CENPE: variants seen among roughly 807,000 people sequenced by gnomAD.
CENPE encodes the protein centromere-associated protein E.
CENPE carries 145 observed loss-of-function variants against 336.1 expected under a neutral mutation model. The ratio of observed to expected loss-of-function variants is 0.43; its 90% CI spans 0.38 to 0.50. CENPE has a LOEUF of 0.50. CENPE is among the 20% of genes least tolerant of loss of function. The pLI is 0.00. For synonymous variants in CENPE, 1,013 were observed against 984.8 expected, an observed-to-expected ratio of 1.03 and a Z score of -0.54; for missense variants, 2,719 against 3,023.3, an observed-to-expected ratio of 0.90 and a Z score of 2.36.
At position 103,192,973 on chromosome 4, in the gene CENPE, C is replaced by T. The variant is rs928850393; in HGVS notation, c.693+1256G>A. ...GGGAAAAAGAAGCCAGGGTAGAAAA[C>T]AGAGGAGTACAGCTAAGAGAAACTG... On this transcript the variant is annotated intron_variant, in intron 8 of 48. Transcript: ENST00000265148. Among the ~76,000 whole-genome samples, 2 of 150,186 alleles carry T rather than the reference C, an allele frequency of 1.3e-5. 1 individual carries two copies. Among genetic ancestry groups the T allele is most frequent in the Admixed American group, 1.3e-4 (2 of 15,092 alleles).
intron 46 of CENPE, among the ~76,000 whole-genome samples, chr4:103,113,537 A>T (rs1281029094): frequency 7.1e-6 from 1 of 140,490 alleles, no homozygotes; most frequent in Non-Finnish European, 1.5e-5. Context: ...TATAATATAT[A>T]ACTTATATAT....
chr4:103,178,720 T>C (rs949338872), intron 13 of CENPE, among the ~76,000 whole-genome samples: 2 of 152,222 alleles, frequency 1.3e-5, no homozygotes, highest in South Asian at 2.1e-4. Context: ...TGCTGACCAC[T>C]ACCTCCCTGA....
intron 14 of CENPE, 137 bp from the exon 15 acceptor site, chr4:103,176,185 T>C (rs1297995133): frequency 1.9e-6 from 1 of 515,504 alleles, no homozygotes; most frequent in East Asian, 3.2e-5. Context: ...AGAGTATGAA[T>C]ACCAAAAGTA....
Position 103,147,392 on chromosome 4 carries a change from G to T in CENPE, c.4098C>A (p.Asp1366Glu). 1 of 1,610,786 alleles carries T rather than the reference G, an allele frequency of 6.2e-7. No individual in the cohort carries two copies. Among genetic ancestry groups the T allele is most frequent in the East Asian group, 2.2e-5 (1 of 44,852 alleles). Residue 1366 changes from aspartate (D) to glutamate (E), a missense_variant, in exon 29 of 49, where the codon GAC becomes GAA. By Grantham distance (45) the Asp-to-Glu change is conservative. Around this residue, in one of 5 missense-constraint regions of CENPE, gnomAD observed 2,437 missense variants for 2,513.3 expected, o/e 0.97. Transcript: ENST00000265148. ...TIKEALEVKH[D>E]QLKEHIRETL... The stretch of plus-strand genomic sequence containing the variant: ...TTTCTCTAATATGTTCTTTCAGCTG[G>T]TCATGTTTAACTTCAAGGGCTTCTT...
chr4:103,130,235 G>C (rs1751466140), intron 42 of CENPE, among the ~76,000 whole-genome samples: 1 of 152,114 alleles, frequency 6.6e-6, no homozygotes, highest in Admixed American at 6.6e-5. Context: ...AACTCTCTTT[G>C]TTTACACATG....
intron 31 of CENPE, 27 bp downstream of exon 31, chr4:103,145,496 C>T: frequency 6.3e-7 from 1 of 1,577,946 alleles, no homozygotes; most frequent in Non-Finnish European, 8.6e-7. Flanking sequence ...CCCATTTCCT[C>T]CCACTGTTTC....
In CENPE at chr4:103,114,505, C is replaced by G. The variant is rs759293187; in HGVS notation, c.7490G>C (p.Arg2497Thr). 8.1e-6 allele frequency: 13 copies of G among 1,611,854 alleles called. No individual in the cohort carries two copies. The South Asian group carries it at 1.1e-4, about 14-fold the overall frequency. The change falls in exon 46 of 49, where the codon AGG becomes ACG. Residue 2497 changes from arginine (R) to threonine (T), a missense_variant. Arg to Thr is a moderately conservative substitution (Grantham distance 71). Transcript: ENST00000265148. Reference sequence around the variant, plus strand: ...TCTTCTGAGATTTTCTCTCAATAGCCTTATAACTTCCTTTTGATATTCTAC... The same window carrying G: ...TCTTCTGAGATTTTCTCTCAATAGCGTTATAACTTCCTTTTGATATTCTAC... ...ATVEYQKEVI[R>T]LLRENLRRSQ...
chr4:103,111,372 G>GT (rs1361024764), intron 46 of CENPE, among the ~76,000 whole-genome samples: 2 of 152,086 alleles, frequency 1.3e-5, no homozygotes, highest in Non-Finnish European at 2.9e-5. Context: ...AACACACTGC[G>GT]TGTGTGGCGG....
intron 8 of CENPE, among the ~76,000 whole-genome samples, chr4:103,193,674 TA>T (rs749623970): frequency 1.8e-4 from 28 of 152,114 alleles, no homozygotes; most frequent in Non-Finnish European, 2.9e-4. Flanking sequence ...ATATTAGACA[TA>T]AAATAGGTAT....
intron 42 of CENPE, among the ~76,000 whole-genome samples, chr4:103,131,430 G>C (rs1340667909): frequency 6.6e-6 from 1 of 152,178 alleles, no homozygotes; most frequent in Non-Finnish European, 1.5e-5. Context: ...TACTAGAATG[G>C]TCAAAATCCC....
rs1405181877 is a variant in CENPE, at chr4:103,116,696, T to A, written c.7330-7A>T. 15 of 1,472,000 alleles carry A rather than the reference T, an allele frequency of 1.0e-5. No individual in the cohort carries two copies. Among genetic ancestry groups the A allele is most frequent in the Non-Finnish European group, 1.4e-5 (15 of 1,081,310 alleles). The allele number at this position is 1,472,000 out of a possible 1,614,324, so 91.2% of individuals were successfully genotyped here. On this transcript the variant is annotated splice_region_variant and splice_polypyrimidine_tract_variant and intron_variant, in intron 44 of 48. Coordinates refer to ENST00000265148, the MANE Select transcript of CENPE (RefSeq NM_001813.3). ...CTCCTAAAGCAACTTTGTCCTAAAT[T>A]TTTTTTAGAGAAAATAAAAATAATT...
rs145189142 is a variant in CENPE at position 103,181,619 on chromosome 4, T to C, written c.964-163A>G. 652 of 484,280 alleles carry C rather than the reference T, an allele frequency of 1.3e-3. 6 individuals carry two copies. The highest frequency in any genetic ancestry group is 9.2e-3 in the South Asian group (317 of 34,450). 30.0% of individuals were successfully genotyped at this position (484,280 alleles called of 1,614,324 possible). A position where few individuals can be genotyped will look rare whatever the true frequency, so the allele number is the denominator to read the frequency against. On this transcript the variant is annotated intron_variant, in intron 11 of 48. Transcript: ENST00000265148. ...GGAACATTCTATGTCCTTATAACAA[T>C]GCTCTGTAACTTATCCTGGGTGATA...
chr4:103,118,552 GT>G (rs1189342569), intron 44 of CENPE, among the ~76,000 whole-genome samples: 1 of 152,102 alleles, frequency 6.6e-6, no homozygotes, highest in Non-Finnish European at 1.5e-5. Flanking sequence ...CAACTTACCA[GT>G]TTTTTTCTTT....
At chr4:103,177,870 G>A (rs1165426387) in intron 13 of CENPE, among the ~76,000 whole-genome samples, 3 of 151,802 alleles carry the variant, frequency 2.0e-5, no homozygotes, top group African/African-American at 4.8e-5. Flanking sequence ...TCAGTTTAAT[G>A]CCAGTTGCTA....
chr4:103,152,193 A>G (rs1421494769), intron 25 of CENPE, among the ~76,000 whole-genome samples: 1 of 152,196 alleles, frequency 6.6e-6, no homozygotes, highest in African/African-American at 2.4e-5. Flanking sequence ...AGACCTATAC[A>G]CTGAAAATCT....
At position 103,105,984 on chromosome 4, in the gene CENPE, A is replaced by G; in HGVS notation, c.*238T>C. 1 of 309,874 alleles carries G rather than the reference A, an allele frequency of 3.2e-6. No homozygotes were observed. Among genetic ancestry groups the G allele is most frequent in the Non-Finnish European group, 5.9e-6 (1 of 170,058 alleles). The allele number at this position is 309,874 out of a possible 1,614,324, so 19.2% of individuals were successfully genotyped here. ...TATTCTTTACAAAATATACAAATAA[A>G]TAAAACAATTCAACTTTTAAAAGTA... On this transcript the variant is annotated 3_prime_UTR_variant, in exon 49 of 49. Transcript: ENST00000265148.
At position 103,158,434 on chromosome 4, in the gene CENPE, G is replaced by A. The variant is rs747980108; in HGVS notation, c.2899C>T (p.Arg967Ter). Residue 967 changes from arginine to a stop codon, truncating the protein, a stop_gained, in exon 24 of 49, where the codon CGA (arginine) becomes TGA (stop). Transcript: ENST00000265148. LOFTEE classifies it high-confidence loss of function. ...TGTTTCAGAGACTCAAGAGCATTTC[G>A]TAATTGTTCTTGAGTATCTATATTC... ...NMNIDTQEQL[R>*]NALESLKQHQ... 1.3e-6 allele frequency: 2 copies of A among 1,590,256 alleles called. No homozygotes were observed. The highest frequency in any genetic ancestry group is 1.8e-5 in the Admixed American group (1 of 57,126).
rs889619029 is a variant in CENPE at position 103,180,453 on chromosome 4, C to T, written c.1100G>A (p.Arg367Gln). Residue 367 changes from arginine to glutamine, a missense_variant, in exon 13 of 49, where the codon CGG becomes CAG. Coordinates refer to ENST00000265148, the MANE Select transcript of CENPE (RefSeq NM_001813.3). ...KQLEEVSLETRAQAMEKDQLA... is the reference protein window; with the variant it reads ...KQLEEVSLETQAQAMEKDQLA... The stretch of plus-strand genomic sequence containing the variant: ...TTGGTCTTTTTCCATTGCCTGAGCC[C>T]GCGTCTCTAAAGAAACCTATAGAAT... 6.2e-6 allele frequency: 10 copies of T among 1,609,646 alleles called. No homozygotes were observed. Among genetic ancestry groups the T allele is most frequent in the Admixed American group, 1.7e-5 (1 of 59,712 alleles).
chr4:103,184,490 T>G (rs1159268720), intron 9 of CENPE, among the ~76,000 whole-genome samples: 1 of 152,222 alleles, frequency 6.6e-6, no homozygotes, highest in South Asian at 2.1e-4. Flanking sequence ...AGTTTTTTTA[T>G]ATTGAAATTT....
Sources: gnomAD v4.1 joint callset for allele counts (sites outside exome capture counted in the v4.1 genomes callset) on GRCh38, gnomAD v4.1.1 for gene constraint, gnomAD v4.1.1 regional missense constraint, MANE v1.5 for transcripts, NCBI Gene and HGNC (gene_info 2026-07-23, HGNC 2026-07-21) for gene names.